BMP6: variants seen among roughly 807,000 people sequenced by gnomAD.
BMP6 encodes the protein bone morphogenetic protein 6.
A neutral mutation model predicts 54.1 loss-of-function variants in BMP6; 17 were observed. The ratio of observed to expected loss-of-function variants is 0.31; its 90% CI spans 0.22 to 0.47. BMP6 has a LOEUF of 0.47. Ranked by LOEUF, BMP6 falls within the 20% of genes least tolerant of loss-of-function variation. The pLI, the probability that BMP6 is intolerant of heterozygous loss-of-function variation, is 1.00. For synonymous variants in BMP6, 328 were observed against 291.2 expected (o/e 1.13, Z -1.28); for missense variants, 720 against 690.4 (o/e 1.04, Z -0.48).
chr6:7,733,558 C>G (rs560265296), intron 1 of BMP6, among the ~76,000 whole-genome samples: 28 of 152,330 alleles, frequency 1.8e-4, no homozygotes, highest in African/African-American at 6.5e-4. Flanking sequence ...AGCAGCTGGG[C>G]TGCTCCAGCC....
intron 2 of BMP6, among the ~76,000 whole-genome samples, chr6:7,848,151 A>G (rs1376840028): frequency 6.6e-6 from 1 of 152,136 alleles, no homozygotes; most frequent in Non-Finnish European, 1.5e-5. Context: ...TAAAAATTGA[A>G]ACTATATTTG....
chr6:7,861,643 G>A, intron 3 of BMP6, 44 bp downstream of exon 3: 2 of 1,608,488 alleles, frequency 1.2e-6, no homozygotes, highest in Non-Finnish European at 1.7e-6. Flanking sequence ...CAAGTCATCA[G>A]TTTCACACAT....
chr6:7,742,398 C>T (rs925599860), intron 1 of BMP6, among the ~76,000 whole-genome samples: 1 of 152,188 alleles, frequency 6.6e-6, no homozygotes, highest in African/African-American at 2.4e-5. Flanking sequence ...GGTGCCGTTG[C>T]AGAATACTTA....
intron 1 of BMP6, among the ~76,000 whole-genome samples, chr6:7,765,007 A>T (rs1757665061): frequency 6.6e-6 from 1 of 152,044 alleles, no homozygotes; most frequent in Non-Finnish European, 1.5e-5. Flanking sequence ...TCCTGGCCAA[A>T]TTTTTTCTCG....
chr6:7,879,841 A>G, intron 5 of BMP6, 150 bp from the exon 6 acceptor site: 1 of 807,622 alleles, frequency 1.2e-6, no homozygotes, highest in Non-Finnish European at 2.0e-6. Context: ...TGCCACTTGA[A>G]TGTGAACTTG....
At chr6:7,807,503 A>T (rs6913495) in intron 1 of BMP6, among the ~76,000 whole-genome samples, 76,266 of 151,822 alleles carry the variant, frequency 0.5, 20,897 homozygotes, top group East Asian at 0.75. Context: ...CTGGTCTCGA[A>T]CTCCTGACCT....
chr6:7,845,872 G>T (rs1175691732), intron 2 of BMP6, among the ~76,000 whole-genome samples: 1 of 151,990 alleles, frequency 6.6e-6, no homozygotes, highest in Non-Finnish European at 1.5e-5. Flanking sequence ...CCTAAAACAA[G>T]GCCAGACCAT....
chr6:7,746,791 C>T (rs1163676598), intron 1 of BMP6, among the ~76,000 whole-genome samples: 1 of 152,166 alleles, frequency 6.6e-6, no homozygotes, highest in Non-Finnish European at 1.5e-5. Flanking sequence ...AGACGGTATT[C>T]GCGTCTTTGA....
At chr6:7,840,544 C>G (rs1001132432) in intron 1 of BMP6, among the ~76,000 whole-genome samples, 1 of 152,124 alleles carries the variant, frequency 6.6e-6, no homozygotes, top group African/African-American at 2.4e-5. Context: ...AGGTCTAGGA[C>G]AGGTGAGAAA....
chr6:7,801,209 G>T (rs926705401), intron 1 of BMP6, among the ~76,000 whole-genome samples: 1 of 152,082 alleles, frequency 6.6e-6, no homozygotes, highest in African/African-American at 2.4e-5. Flanking sequence ...AACTTGAACC[G>T]AATCCTCTTA....
chr6:7,749,162 A>G (rs530652750), intron 1 of BMP6, among the ~76,000 whole-genome samples: 65 of 152,362 alleles, frequency 4.3e-4, no homozygotes, highest in African/African-American at 1.6e-3. Flanking sequence ...GGTGGAGATC[A>G]GGATTCCACG....
At chr6:7,839,132 T>A (rs556287975) in intron 1 of BMP6, among the ~76,000 whole-genome samples, 95 of 152,274 alleles carry the variant, frequency 6.2e-4, no homozygotes, top group African/African-American at 2.2e-3. Context: ...GACAGTTTTT[T>A]AGATATTTGA....
chr6:7,731,587 G>A (rs557737375), intron 1 of BMP6, among the ~76,000 whole-genome samples: 57 of 152,322 alleles, frequency 3.7e-4, no homozygotes, highest in Non-Finnish European at 7.2e-4. Context: ...CATGGAAGAT[G>A]CTTTGAAAAG....
chr6:7,856,610 T>TTTTTTTTTTTTTTTTTTTTTTTTG (rs1477184469), intron 2 of BMP6, among the ~76,000 whole-genome samples: 3 of 122,202 alleles, frequency 2.5e-5, no homozygotes, highest in Non-Finnish European at 5.0e-5. Context: ...TTTTTTTTTT[T>TTTTTTTTTTTTTTTTTTTTTTTTG]TTTTGAGACG....
chr6:7,877,105 G>A (rs747556598), intron 4 of BMP6, among the ~76,000 whole-genome samples: 9 of 151,938 alleles, frequency 5.9e-5, no homozygotes, highest in Non-Finnish European at 1.0e-4. Flanking sequence ...GTGATAGTTG[G>A]TTGATTGTTT....
chr6:7,867,324 G>C (rs573348703), intron 4 of BMP6, among the ~76,000 whole-genome samples: 1 of 152,222 alleles, frequency 6.6e-6, no homozygotes, highest in East Asian at 1.9e-4. Context: ...TAAGCTTCCC[G>C]GTTGGGACTA....
rs182131848 is a variant in BMP6 at position 7,730,520 on chromosome 6, C to T, written c.664+2901C>T. Reference sequence around the variant, plus strand: ...TATACTGATAGTGTGAAGAGAAAACCTTTTGCGGGTAAGTAGAATCCAAGC... The same window carrying T: ...TATACTGATAGTGTGAAGAGAAAACTTTTTGCGGGTAAGTAGAATCCAAGC... On this transcript the variant is annotated intron_variant, in intron 1 of 6. Coordinates refer to ENST00000283147, the MANE Select transcript of BMP6 (RefSeq NM_001718.6). Among the ~76,000 whole-genome samples, 833 of 152,214 alleles carry T rather than the reference C, an allele frequency of 5.5e-3. 1 individual carries two copies. The highest frequency in any genetic ancestry group is 8.8e-3 in the Non-Finnish European group (597 of 68,004).
chr6:7,783,474 A>G (rs115159636), intron 1 of BMP6, among the ~76,000 whole-genome samples: 2,387 of 152,328 alleles, frequency 0.016, 43 homozygotes, highest in African/African-American at 0.041. Flanking sequence ...TTCTTTCTAT[A>G]GAAACATGCT....
chr6:7,869,651 C>T (rs1759488397), intron 4 of BMP6, among the ~76,000 whole-genome samples: 1 of 152,188 alleles, frequency 6.6e-6, no homozygotes, highest in African/African-American at 2.4e-5. Flanking sequence ...TGGGCCCCGG[C>T]AGCCTTCCCA....
Sources: allele counts gnomAD v4.1 joint callset (sites outside exome capture counted in the v4.1 genomes callset), GRCh38; gene constraint gnomAD v4.1.1; transcripts MANE v1.5; gene names NCBI Gene and HGNC (gene_info 2026-07-23, HGNC 2026-07-21).